EIF4A3: variants seen among roughly 807,000 people sequenced by gnomAD.
The protein encoded by EIF4A3 is eukaryotic initiation factor 4A-III.
A neutral mutation model predicts 55.6 loss-of-function variants in EIF4A3; 1 was observed. The observed-to-expected ratio is 0.02, with a 90% CI of 0.01 to 0.09. The LOEUF (loss-of-function observed/expected upper bound fraction) is 0.09, where lower values mean the gene tolerates loss of function less well. EIF4A3 is among the 10% of genes least tolerant of loss of function. EIF4A3 has a pLI of 1.00. For synonymous variants in EIF4A3, 194 were observed against 196.3 expected (o/e 0.99, Z 0.10); for missense variants, 221 against 540.7 (o/e 0.41, Z 5.86).
At chr17:80,143,941 C>G (rs2039638610) in intron 2 of EIF4A3, among the ~76,000 whole-genome samples, 1 of 152,214 alleles carries the variant, frequency 6.6e-6, no homozygotes, top group African/African-American at 2.4e-5. Flanking sequence ...GATGGCACCA[C>G]TGCACTCCAG....
chr17:80,139,895 C>A, intron 5 of EIF4A3, 113 bp downstream of exon 5: 1 of 1,524,776 alleles, frequency 6.6e-7, no homozygotes, highest in Non-Finnish European at 8.8e-7. Flanking sequence ...TGCAAGTGAC[C>A]CAGGTGCAAA....
intron 11 of EIF4A3, 185 bp from the exon 12 acceptor site, chr17:80,135,691 T>C: frequency 1.6e-6 from 1 of 626,586 alleles, no homozygotes; most frequent in South Asian, 2.1e-5. Flanking sequence ...AGGCCAGGAG[T>C]TCGAGACCAG....
rs994198278 is a variant in EIF4A3, at chr17:80,138,154, G to A, written c.855C>T (p.Asn285=). The stretch of plus-strand genomic sequence containing the variant: ...CAGTGCCTCTTACCTTTCTTTTGGT[G>A]TTGCAGAAGATGACCGCCTGAGTGA... ...LTITQAVIFC[N]TKRKVDWLTE... is the part of the protein sequence containing the mutation. The change falls in exon 8 of 12, where the codon AAC becomes AAT. Residue 285 remains asparagine (N), a synonymous_variant. Transcript: ENST00000649764. 1 of 1,614,018 alleles carries A rather than the reference G, an allele frequency of 6.2e-7. No individual in the cohort carries two copies. Among genetic ancestry groups the A allele is most frequent in the Non-Finnish European group, 8.5e-7 (1 of 1,179,904 alleles).
intron 3 of EIF4A3, 176 bp from the exon 4 acceptor site, chr17:80,141,557 T>G: frequency 7.8e-6 from 6 of 771,198 alleles, no homozygotes; most frequent in Non-Finnish European, 1.2e-5. Flanking sequence ...ACTTAATGTG[T>G]CAGCATCCTC....
chr17:80,140,726 C>T (rs544810228), intron 4 of EIF4A3, among the ~76,000 whole-genome samples: 1 of 152,112 alleles, frequency 6.6e-6, no homozygotes, highest in Non-Finnish European at 1.5e-5. Context: ...ACCGAAGAAA[C>T]CAGCATTAAC....
chr17:80,140,572 T>C (rs2039609986), intron 4 of EIF4A3: 1 of 154,158 alleles, frequency 6.5e-6, no homozygotes, highest in Admixed American at 6.5e-5. Flanking sequence ...AGAGTCGTTA[T>C]CTCCTGACCT....
intron 1 of EIF4A3, among the ~76,000 whole-genome samples, chr17:80,146,071 C>G (rs2039660218): frequency 1.3e-5 from 2 of 152,046 alleles, no homozygotes; most frequent in African/African-American, 2.4e-5. Flanking sequence ...CACTAGATTT[C>G]TAAATGAAAT....
intron 8 of EIF4A3, 99 bp downstream of exon 8, chr17:80,138,043 G>A: frequency 6.8e-7 from 1 of 1,466,054 alleles, no homozygotes; most frequent in African/African-American, 1.4e-5. Context: ...TTAAAATATG[G>A]ACAAACTGGC....
At chr17:80,140,997 A>G (rs1368998426) in intron 4 of EIF4A3, among the ~76,000 whole-genome samples, 1 of 152,148 alleles carries the variant, frequency 6.6e-6, no homozygotes, top group African/African-American at 2.4e-5. Context: ...GGGTTTCACT[A>G]TGTTGACCAG....
At chr17:80,140,628 G>C (rs959352365) in intron 4 of EIF4A3, among the ~76,000 whole-genome samples, 1 of 152,116 alleles carries the variant, frequency 6.6e-6, no homozygotes, top group Non-Finnish European at 1.5e-5. Context: ...GATTACAGGC[G>C]TGAGCCACCA....
intron 9 of EIF4A3, 60 bp from the exon 10 acceptor site, chr17:80,136,395 T>G (rs528060994): frequency 3.0e-6 from 4 of 1,343,998 alleles, no homozygotes; most frequent in Non-Finnish European, 4.2e-6. Flanking sequence ...AAGACTGGAC[T>G]TGCTTCCATT....
chr17:80,144,110 C>G, intron 2 of EIF4A3, 62 bp downstream of exon 2: 1 of 1,503,458 alleles, frequency 6.7e-7, no homozygotes, highest in South Asian at 1.1e-5. Context: ...CCCAGAGCAT[C>G]TAACTGCACT....
chr17:80,135,418 C>A lies in EIF4A3; in HGVS notation c.*72G>T. The A allele has an allele frequency of 6.6e-7, 1 of 1,507,748 alleles. No homozygotes were observed. The highest frequency in any genetic ancestry group is 1.4e-5 in the African/African-American group (1 of 70,814). The allele number at this position is 1,507,748 out of a possible 1,614,324, so 93.4% of individuals were successfully genotyped here. On this transcript the variant is annotated 3_prime_UTR_variant, in exon 12 of 12. Transcript: ENST00000649764. ...CCATATAAACCCCATTAAGTAGAAT[C>A]TGGATCTAAATACTTCCAAACAGGA...
At chr17:80,137,286 T>TC (rs1197894307) in intron 9 of EIF4A3, 100 bp downstream of exon 9, 18 of 1,008,376 alleles carry the variant, frequency 1.8e-5, no homozygotes, top group African/African-American at 1.3e-4. Flanking sequence ...AAGCTTGGCA[T>TC]CCCCCCGGGT....
rs575916140 is a variant in EIF4A3 at position 80,146,719 on chromosome 17, A to T, written c.169+74T>A. 7.8e-4 allele frequency: 1,180 copies of T among 1,519,232 alleles called. 14 individuals carry two copies. In the African/African-American group the frequency reaches 0.015, roughly 19 times the overall value. The allele number at this position is 1,519,232 out of a possible 1,614,324, so 94.1% of individuals were successfully genotyped here. ...GGAGCGCAGGGCCGGCCCGGGAGTC[A>T]CCAGTCTGGCCCTCAGCCCCCGGCT... is the stretch of plus-strand genomic sequence containing the variant. On this transcript the variant is annotated intron_variant, in intron 1 of 11. Coordinates refer to ENST00000649764, the MANE Select transcript of EIF4A3 (RefSeq NM_014740.4).
chr17:80,135,758 T>C (rs890920528), intron 11 of EIF4A3: 4 of 605,654 alleles, frequency 6.6e-6, no homozygotes, highest in East Asian at 5.7e-5. Context: ...TAGCTGGCTA[T>C]GGTGCACGTG....
chr17:80,137,315 C>T (rs78697355), intron 9 of EIF4A3, 71 bp downstream of exon 9: 14,092 of 1,345,326 alleles, frequency 0.01, 111 homozygotes, highest in Non-Finnish European at 0.012. Flanking sequence ...TGCACTTAGG[C>T]GGTACATATG....
intron 3 of EIF4A3, 69 bp from the exon 4 acceptor site, chr17:80,141,450 C>G: frequency 2.1e-6 from 3 of 1,439,646 alleles, no homozygotes; most frequent in Non-Finnish European, 2.9e-6. Context: ...GTAATTCACA[C>G]TCAGATCTAT....
rs1255207863 is a variant in EIF4A3 at position 80,134,370 on chromosome 17, T to G, written c.*1120A>C. ...AGCTACAGGTAATTACTTTAAATAT[T>G]TCAACAGATAACTTAAATACTTTAA... On this transcript the variant is annotated 3_prime_UTR_variant, in exon 12 of 12. Transcript: ENST00000649764. 1.3e-5 allele frequency among the ~76,000 whole-genome samples: 2 copies of G among 152,208 alleles called. No homozygotes were observed. The highest frequency in any genetic ancestry group is 4.8e-5 in the African/African-American group (2 of 41,440).
Sources: gnomAD v4.1 joint callset for allele counts (sites outside exome capture counted in the v4.1 genomes callset) on GRCh38, gnomAD v4.1.1 for gene constraint, MANE v1.5 for transcripts, NCBI Gene and HGNC (gene_info 2026-07-23, HGNC 2026-07-21) for gene names.